BAHCC1: variants seen among roughly 807,000 people sequenced by gnomAD.
BAHCC1 encodes the protein BAH and coiled-coil domain-containing protein 1.
Under a neutral mutation model 88.2 loss-of-function variants are expected in BAHCC1, and 43 were observed. The ratio of observed to expected loss-of-function variants is 0.49; its 90% CI spans 0.38 to 0.63. BAHCC1 has a LOEUF of 0.63. Among genes scored for constraint, BAHCC1 ranks in the 20% least tolerant of loss-of-function variants. The pLI, the probability that BAHCC1 is intolerant of heterozygous loss-of-function variation, is 0.00. For synonymous variants in BAHCC1, 1,510 were observed against 745.5 expected (o/e 2.03, Z -16.71); for missense variants, 3,023 against 1,654.8 (o/e 1.83, Z -14.34).
intron 2 of BAHCC1, among the ~76,000 whole-genome samples, chr17:81,414,992 G>T (rs147673056): frequency 5.3e-4 from 81 of 152,320 alleles, no homozygotes; most frequent in African/African-American, 1.8e-3. Flanking sequence ...ACCCGCCCCG[G>T]CGTACTGTCC....
At chr17:81,459,722 A>G (rs1249425908) in intron 23 of BAHCC1, 118 bp downstream of exon 23, 12 of 556,970 alleles carry the variant, frequency 2.2e-5, no homozygotes, top group Admixed American at 1.0e-4. Context: ...CTCTGCTTAG[A>G]CAGAGTACGA....
rs1555651612 is a variant in BAHCC1, at chr17:81,435,600, G to A, written c.359-2770G>A. ...CCCGACGTTCTAGCAGGAGCTTGCA[G>A]TTGAGGACCTCTGGCTCTGGGTTCA... On this transcript the variant is annotated intron_variant, in intron 3 of 27. Coordinates refer to ENST00000675386, the MANE Select transcript of BAHCC1 (RefSeq NM_001377448.1). The surrounding 1 kb of genome is among the most constrained non-coding windows in gnomAD (Gnocchi z 4.4). 36 of 432,162 alleles carry A rather than the reference G, an allele frequency of 8.3e-5. No individual in the cohort carries two copies. Among genetic ancestry groups the A allele is most frequent in the Non-Finnish European group, 7.2e-5 (15 of 208,886 alleles). 26.8% of individuals were successfully genotyped at this position (432,162 alleles called of 1,614,324 possible). A position where few individuals can be genotyped will look rare whatever the true frequency, so the allele number is the denominator to read the frequency against.
At chr17:81,415,632 GGCACCT>G (rs782760217) in intron 2 of BAHCC1, 2 of 491,976 alleles carry the variant, frequency 4.1e-6, no homozygotes, top group Non-Finnish European at 4.0e-6. Context: ...TCGGGCTCTT[GGCACCT>G]GGTCCTTCTT....
chr17:81,443,419 C>T lies in BAHCC1; in HGVS notation c.2070C>T (p.Asp690=), dbSNP rs2082516139. The change falls in exon 5 of 28, where the codon GAC becomes GAT. Residue 690 remains aspartate (D), a synonymous_variant. Coordinates refer to ENST00000675386, the MANE Select transcript of BAHCC1 (RefSeq NM_001377448.1). ...ACTGTGCCCGCAGCAGGGAGCACGA[C>T]ACCACGCACGGCGACGGGGAGGTGC... The part of the protein sequence containing the change: ...RPDCARSREH[D]TTHGDGEVRQ... 2.6e-6 allele frequency: 2 copies of T among 767,072 alleles called. No individual in the cohort carries two copies. Among genetic ancestry groups the T allele is most frequent in the African/African-American group, 1.7e-5 (1 of 58,878 alleles). 47.5% of individuals were successfully genotyped at this position (767,072 alleles called of 1,614,324 possible). A position where few individuals can be genotyped will look rare whatever the true frequency, so the allele number is the denominator to read the frequency against.
intron 2 of BAHCC1, among the ~76,000 whole-genome samples, chr17:81,414,109 C>T (rs557801468): frequency 6.6e-6 from 1 of 152,324 alleles, no homozygotes; most frequent in African/African-American, 2.4e-5. Flanking sequence ...CTGACCCGTG[C>T]CAAGGAGCCC....
At chr17:81,449,859 C>G (rs1555655392) in intron 11 of BAHCC1, among the ~76,000 whole-genome samples, 2 of 152,180 alleles carry the variant, frequency 1.3e-5, no homozygotes, top group African/African-American at 4.8e-5. Context: ...AACCCTTGGT[C>G]TGGGCTTGTG....
At chr17:81,440,294 A>G (rs1262645875) in intron 4 of BAHCC1, among the ~76,000 whole-genome samples, 5 of 151,882 alleles carry the variant, frequency 3.3e-5, no homozygotes, top group African/African-American at 9.7e-5. Context: ...AGCACAGGGG[A>G]CTCCCTCTGG....
chr17:81,452,882 C>T (rs541073839), intron 14 of BAHCC1, 31 bp downstream of exon 14: 24 of 710,930 alleles, frequency 3.4e-5, no homozygotes, highest in African/African-American at 1.3e-4. Flanking sequence ...TGGCAGGGCG[C>T]GTGTGGCCGG....
Position 81,464,147 on chromosome 17 carries a change from C to G in BAHCC1, c.*330C>G. ...ATCCAAGCCATATTCCCTAGTACCT[C>G]CGACTGTCTCCCACCAGGGAAAGCA... On this transcript the variant is annotated 3_prime_UTR_variant, in exon 28 of 28. Coordinates refer to ENST00000675386, the MANE Select transcript of BAHCC1 (RefSeq NM_001377448.1). 2.5e-6 allele frequency: 1 copy of G among 404,002 alleles called. No individual in the cohort carries two copies. The highest frequency in any genetic ancestry group is 4.6e-6 in the Non-Finnish European group (1 of 219,670). 25.0% of individuals were successfully genotyped at this position (404,002 alleles called of 1,614,324 possible). A position where few individuals can be genotyped will look rare whatever the true frequency, so the allele number is the denominator to read the frequency against.
chr17:81,447,536 C>G lies in BAHCC1; in HGVS notation c.3664C>G (p.Pro1222Ala). 1.3e-6 allele frequency: 1 copy of G among 755,660 alleles called. No homozygotes were observed. The highest frequency in any genetic ancestry group is 2.5e-6 in the Non-Finnish European group (1 of 406,390). 46.8% of individuals were successfully genotyped at this position (755,660 alleles called of 1,614,324 possible). ...ALEDEGEQPA[P>A]EEDELEEDEL... Reference sequence around the variant, plus strand: ...TGAGGACGAGGGGGAGCAGCCGGCCCCTGAGGAGGACGAGCTGGAGGAAGA... The same window carrying G: ...TGAGGACGAGGGGGAGCAGCCGGCCGCTGAGGAGGACGAGCTGGAGGAAGA... Residue 1222 changes from proline (P) to alanine (A), a missense_variant, in exon 11 of 28, where the codon CCT (proline) becomes GCT (alanine). Pro to Ala is a conservative substitution (Grantham distance 27). Transcript: ENST00000675386.
chr17:81,429,263 T>C (rs1170450605), intron 3 of BAHCC1, among the ~76,000 whole-genome samples: 5 of 152,094 alleles, frequency 3.3e-5, no homozygotes, highest in African/African-American at 1.2e-4. Flanking sequence ...TGAGGATGGG[T>C]GTGGGTGCCC....
intron 2 of BAHCC1, among the ~76,000 whole-genome samples, chr17:81,419,788 C>CTTTTTT (rs781909536): frequency 2.0e-5 from 2 of 102,308 alleles, no homozygotes; most frequent in African/African-American, 3.8e-5. Context: ...CTCAACGAGG[C>CTTTTTT]GTTTTTTTTT....
At chr17:81,453,640 G>T (rs939311216) in intron 14 of BAHCC1, among the ~76,000 whole-genome samples, 1 of 151,906 alleles carries the variant, frequency 6.6e-6, no homozygotes, top group African/African-American at 2.4e-5. Flanking sequence ...CCTGGGGGGG[G>T]GTCTCCTGGG....
chr17:81,455,215 C>T (rs1555656919), intron 14 of BAHCC1, 52 bp from the exon 15 acceptor site: 3 of 699,932 alleles, frequency 4.3e-6, no homozygotes, highest in Admixed American at 2.0e-5. Context: ...GGGGACAAGG[C>T]TGGGGCGGCC....
At chr17:81,430,771 C>G (rs2064251126) in intron 3 of BAHCC1, among the ~76,000 whole-genome samples, 1 of 152,166 alleles carries the variant, frequency 6.6e-6, no homozygotes, top group Non-Finnish European at 1.5e-5. Flanking sequence ...TCCTTCCTCT[C>G]CCGGCCTCGG....
intron 2 of BAHCC1, among the ~76,000 whole-genome samples, chr17:81,418,796 C>CGTGTGTGTGTTGCGCGCAT (rs1555649108): frequency 6.9e-6 from 1 of 144,800 alleles, no homozygotes; most frequent in Non-Finnish European, 1.5e-5. Flanking sequence ...TACGTGTGTG[C>CGTGTGTGTGTTGCGCGCAT]GTGTGTGTGT....
intron 4 of BAHCC1, among the ~76,000 whole-genome samples, chr17:81,440,240 G>A (rs1329890841): frequency 2.6e-5 from 4 of 152,202 alleles, no homozygotes; most frequent in Non-Finnish European, 4.4e-5. Context: ...TGTCAGGGGC[G>A]GGCAGGTGGC....
Position 81,399,818 on chromosome 17 carries a change from G to A in BAHCC1, c.79G>A (p.Ala27Thr). 1 of 1,322,732 alleles carries A rather than the reference G, an allele frequency of 7.6e-7. No homozygotes were observed. The highest frequency in any genetic ancestry group is 9.6e-7 in the Non-Finnish European group (1 of 1,038,118). 81.9% of individuals were successfully genotyped at this position (1,322,732 alleles called of 1,614,324 possible). The change falls in exon 2 of 28, where the codon GCC becomes ACC. Residue 27 changes from alanine to threonine, a missense_variant. Physicochemically the swap from Ala to Thr is moderately conservative, Grantham distance 58. Coordinates refer to ENST00000675386, the MANE Select transcript of BAHCC1 (RefSeq NM_001377448.1). The surrounding 1 kb of genome is among the most constrained non-coding windows in gnomAD (Gnocchi z 4.5). ...CCTGGGCCACCGCAGCGCCGCTGCC[G>A]CCGCGCGTCTCGCCCCGGCTGGGCC... ...GSLGHRSAAA[A>T]ARLAPAGPAA... is the part of the protein sequence containing the mutation.
chr17:81,417,287 G>A (rs1172047898), intron 2 of BAHCC1, among the ~76,000 whole-genome samples: 2 of 152,172 alleles, frequency 1.3e-5, no homozygotes, highest in African/African-American at 2.4e-5. Flanking sequence ...CGAGGGAGTG[G>A]CGCTGACCAC....
Sources: gnomAD v4.1 joint callset for allele counts (sites outside exome capture counted in the v4.1 genomes callset) on GRCh38, gnomAD v4.1.1 for gene constraint, Gnocchi (gnomAD v3.1) non-coding constraint, MANE v1.5 for transcripts, NCBI Gene and HGNC (gene_info 2026-07-23, HGNC 2026-07-21) for gene names.